PSMA3: variants seen among roughly 807,000 people sequenced by gnomAD.
PSMA3 encodes the protein proteasome 20S subunit alpha 3.
A neutral mutation model predicts 40.0 loss-of-function variants in PSMA3; 8 were observed. That is an observed-to-expected ratio of 0.20 (90% CI 0.12 to 0.36). PSMA3 has a LOEUF of 0.36. Among genes scored for constraint, PSMA3 ranks in the 10% least tolerant of loss-of-function variants. The probability of loss-of-function intolerance (pLI) is 1.00; values close to 1 mark genes in which losing one functional copy is unlikely to be tolerated. For synonymous variants in PSMA3, 110 were observed against 100.0 expected (o/e 1.10, Z -0.59); for missense variants, 219 against 310.6 (o/e 0.70, Z 2.22).
intron 2 of PSMA3, among the ~76,000 whole-genome samples, chr14:58,248,208 C>T (rs898245526): frequency 5.9e-5 from 9 of 152,086 alleles, no homozygotes; most frequent in Admixed American, 3.3e-4. Context: ...GTCACATGTT[C>T]GATTCAGCAA....
Position 58,244,857 on chromosome 14 carries a change from T to C in PSMA3, c.-64T>C. 1 of 1,612,284 alleles carries C rather than the reference T, an allele frequency of 6.2e-7. No individual in the cohort carries two copies. The highest frequency in any genetic ancestry group is 1.7e-5 in the Admixed American group (1 of 60,020). ...GCGGGCCTGTTACTAGTTTGCGGCA[T>C]CCTGTGGTATAGGGGAAGCGCTCCG... On this transcript the variant is annotated 5_prime_UTR_variant, in exon 1 of 11. Coordinates refer to ENST00000216455, the MANE Select transcript of PSMA3 (RefSeq NM_002788.4).
chr14:58,261,117 ACTC>A, intron 6 of PSMA3, 97 bp downstream of exon 6: 1 of 855,288 alleles, frequency 1.2e-6, no homozygotes, highest in African/African-American at 1.8e-5. Flanking sequence ...TTAAAAAAAA[ACTC>A]ATTCAAGGAA....
chr14:58,249,554 C>G (rs1028435319), intron 2 of PSMA3, among the ~76,000 whole-genome samples: 1 of 151,926 alleles, frequency 6.6e-6, no homozygotes, highest in Non-Finnish European at 1.5e-5. Flanking sequence ...GCTTTGTCAC[C>G]CAGGCTGGAG....
chr14:58,254,510 G>GT (rs1010313839), intron 3 of PSMA3, among the ~76,000 whole-genome samples: 4 of 150,136 alleles, frequency 2.7e-5, no homozygotes, highest in Admixed American at 1.3e-4. Flanking sequence ...TAATTTTTTA[G>GT]TTTTTTTAAG....
intron 8 of PSMA3, chr14:58,268,862 C>A (rs1347225037): frequency 6.6e-6 from 1 of 152,042 alleles, no homozygotes; most frequent in Non-Finnish European, 1.5e-5. Flanking sequence ...TTTTAGAAGA[C>A]CCTCCAAAAA....
At chr14:58,258,079 C>A in intron 5 of PSMA3, 81 bp downstream of exon 5, 1 of 1,106,428 alleles carries the variant, frequency 9.0e-7, no homozygotes, top group Non-Finnish European at 1.3e-6. Flanking sequence ...TAGCCTTTTA[C>A]ATACTTAAAA....
chr14:58,260,041 G>A (rs1890237231), intron 5 of PSMA3, among the ~76,000 whole-genome samples: 3 of 152,200 alleles, frequency 2.0e-5, no homozygotes, highest in Admixed American at 2.0e-4. Context: ...GATGGGAATT[G>A]AATAGTTAAA....
intron 2 of PSMA3, among the ~76,000 whole-genome samples, chr14:58,249,975 T>C (rs762159613): frequency 6.6e-6 from 1 of 152,002 alleles, no homozygotes; most frequent in Non-Finnish European, 1.5e-5. Context: ...TCCTAGCACT[T>C]TGGGAGGCTG....
At chr14:58,270,629 A>G in intron 9 of PSMA3, 144 bp downstream of exon 9, 4 of 1,436,200 alleles carry the variant, frequency 2.8e-6, no homozygotes, top group Non-Finnish European at 3.7e-6. Context: ...TTAATAATTG[A>G]CTTAAGTTGT....
At chr14:58,255,177 TTAG>T (rs1890115223) in intron 3 of PSMA3, among the ~76,000 whole-genome samples, 2 of 91,886 alleles carry the variant, frequency 2.2e-5, no homozygotes, top group South Asian at 3.6e-4. Context: ...TCCTAAAAAC[TTAG>T]TAGCCGTTTT....
intron 2 of PSMA3, 138 bp from the exon 3 acceptor site, chr14:58,251,981 T>G: frequency 1.2e-6 from 1 of 816,182 alleles, no homozygotes; most frequent in Non-Finnish European, 1.9e-6. Flanking sequence ...TTAGTGTGTT[T>G]TCTCTTCCTG....
intron 8 of PSMA3, chr14:58,270,093 G>A (rs761853407): frequency 1.2e-4 from 25 of 204,520 alleles, no homozygotes; most frequent in Non-Finnish European, 1.7e-4. Flanking sequence ...TGATCCATCC[G>A]CCTTGGTCTC....
At chr14:58,262,812 C>T (rs1332790069) in intron 6 of PSMA3, among the ~76,000 whole-genome samples, 4 of 151,844 alleles carry the variant, frequency 2.6e-5, no homozygotes, top group Non-Finnish European at 5.9e-5. Context: ...ATCCACGTGC[C>T]TCAGATTCCC....
intron 6 of PSMA3, among the ~76,000 whole-genome samples, chr14:58,263,074 C>T (rs1890329493): frequency 6.6e-6 from 1 of 151,606 alleles, no homozygotes; most frequent in Non-Finnish European, 1.5e-5. Flanking sequence ...CCTCTGCCTC[C>T]CAGATTCAAG....
At chr14:58,258,560 T>C (rs1360583119) in intron 5 of PSMA3, 1 of 151,890 alleles carries the variant, frequency 6.6e-6, no homozygotes, top group Admixed American at 6.6e-5. Flanking sequence ...GCTCTCGGTG[T>C]TAGTCCCTGA....
intron 9 of PSMA3, 43 bp from the exon 10 acceptor site, chr14:58,270,863 CTATGGTATACTGCAAGTTACAATATGGT>C: frequency 7.8e-7 from 1 of 1,283,648 alleles, no homozygotes; most frequent in Non-Finnish European, 1.1e-6. Context: ...TGGGTAGATC[CTATGGTATACTGCAAGTTACAATATGGT>C]ACTCAATTTA....
chr14:58,271,771 T>G (rs1392582560), intron 10 of PSMA3, 80 bp from the exon 11 acceptor site: 1 of 966,718 alleles, frequency 1.0e-6, no homozygotes, highest in Non-Finnish European at 1.6e-6. Flanking sequence ...TAATTCAGGT[T>G]GTTGTAGCTT....
intron 3 of PSMA3, among the ~76,000 whole-genome samples, chr14:58,253,671 G>T (rs1017258086): frequency 1.3e-5 from 2 of 152,144 alleles, no homozygotes; most frequent in African/African-American, 4.8e-5. Context: ...TCAGCTCACT[G>T]CAACCTCTGC....
At chr14:58,257,670 T>A in intron 3 of PSMA3, 75 bp from the exon 4 acceptor site, 4 of 1,309,320 alleles carry the variant, frequency 3.1e-6, no homozygotes, top group Non-Finnish European at 4.3e-6. Context: ...AAATGTTTAA[T>A]AAGTCTTTAT....
Sources: gnomAD v4.1 joint callset for allele counts (sites outside exome capture counted in the v4.1 genomes callset) on GRCh38, gnomAD v4.1.1 for gene constraint, MANE v1.5 for transcripts, NCBI Gene and HGNC (gene_info 2026-07-23, HGNC 2026-07-21) for gene names.